Variants in GDI2 observed in about 807,000 individuals in gnomAD.
GDI2 encodes rab GDP dissociation inhibitor beta.
GDI2 carries 22 observed loss-of-function variants against 54.2 expected under a neutral mutation model. The observed-to-expected ratio is 0.41, with a 90% CI of 0.29 to 0.58. GDI2 has a LOEUF of 0.58. Ranked by LOEUF, GDI2 falls within the 20% of genes least tolerant of loss-of-function variation. The pLI is 0.35. For missense variants in GDI2, 422 were observed against 546.0 expected (o/e 0.77, Z 2.26); for synonymous variants, 177 against 182.1 (o/e 0.97, Z 0.23).
Position 5,813,200 on chromosome 10 carries a change from G to T in GDI2, c.45+14C>A. The T allele has an allele frequency of 1.9e-6, 3 of 1,554,086 alleles. No individual in the cohort carries two copies. Among genetic ancestry groups the T allele is most frequent in the Middle Eastern group, 1.7e-4 (1 of 5,856 alleles). On this transcript the variant is annotated intron_variant, in intron 1 of 10. Transcript: ENST00000380191. ...CCGGCTGCTCAGCCCCGGCCCCTCAGCCCTGGCGCCCACCGTCAGGCCGGT... is the reference window on the plus strand; with the variant it reads ...CCGGCTGCTCAGCCCCGGCCCCTCATCCCTGGCGCCCACCGTCAGGCCGGT...
chr10:5,808,851 C>G (rs192638762), intron 1 of GDI2, among the ~76,000 whole-genome samples: 2 of 152,058 alleles, frequency 1.3e-5, no homozygotes, highest in Admixed American at 1.3e-4. Flanking sequence ...AATTTTAAAT[C>G]AGTTCATTTC....
chr10:5,772,223 A>G (rs1211225375), intron 7 of GDI2, among the ~76,000 whole-genome samples: 1 of 152,194 alleles, frequency 6.6e-6, no homozygotes, highest in East Asian at 1.9e-4. Flanking sequence ...CAACCCCACA[A>G]AGGTGGCTGA....
At chr10:5,806,334 G>A (rs958201427) in intron 1 of GDI2, among the ~76,000 whole-genome samples, 3 of 100,674 alleles carry the variant, frequency 3.0e-5, no homozygotes, top group Admixed American at 1.1e-4. Context: ...CAGCCCTTTG[G>A]GAGGCCAAGG....
At chr10:5,796,955 A>G in intron 2 of GDI2, 93 bp from the exon 3 acceptor site, 1 of 628,806 alleles carries the variant, frequency 1.6e-6, no homozygotes, top group East Asian at 2.8e-5. Context: ...TTTTAGTATA[A>G]CTAAACACCA....
At chr10:5,770,422 G>A (rs565409989) in intron 7 of GDI2, among the ~76,000 whole-genome samples, 20 of 152,088 alleles carry the variant, frequency 1.3e-4, no homozygotes, top group East Asian at 1.9e-4. Context: ...CTAGCCGGGC[G>A]TGGTGGTATG....
intron 4 of GDI2, among the ~76,000 whole-genome samples, chr10:5,788,268 G>C (rs1406410200): frequency 6.6e-6 from 1 of 151,894 alleles, no homozygotes; most frequent in Non-Finnish European, 1.5e-5. Flanking sequence ...CTAAAGTGTG[G>C]AATCACAGGT....
At chr10:5,807,760 T>G (rs1325572149) in intron 1 of GDI2, among the ~76,000 whole-genome samples, 1 of 152,216 alleles carries the variant, frequency 6.6e-6, no homozygotes, top group Admixed American at 6.5e-5. Context: ...TGACGTTCTC[T>G]TCCTTCAGCA....
At chr10:5,806,706 G>A (rs181655310) in intron 1 of GDI2, among the ~76,000 whole-genome samples, 94 of 151,992 alleles carry the variant, frequency 6.2e-4, no homozygotes, top group Non-Finnish European at 9.4e-4. Flanking sequence ...ACTTTTGGGG[G>A]GTGGGGGAAG....
chr10:5,785,708 C>T, intron 5 of GDI2, 144 bp downstream of exon 5: 1 of 620,584 alleles, frequency 1.6e-6, no homozygotes, highest in Non-Finnish European at 2.8e-6. Flanking sequence ...CTTAAAAGGT[C>T]CCAACACTAA....
At position 5,772,584 on chromosome 10, in the gene GDI2, C is replaced by T. The variant is rs189390365; in HGVS notation, c.819+1258G>A. ...CCAGCCTGGCCAACATGGTGAAACCCCATCTCTACTAAAAATACATAAATT... is the reference window on the plus strand; with the variant it reads ...CCAGCCTGGCCAACATGGTGAAACCTCATCTCTACTAAAAATACATAAATT... On this transcript the variant is annotated intron_variant, in intron 7 of 10. Coordinates refer to ENST00000380191, the MANE Select transcript of GDI2 (RefSeq NM_001494.4). Among the ~76,000 whole-genome samples, 3 of 152,134 alleles carry T rather than the reference C, an allele frequency of 2.0e-5. No homozygotes were observed. The East Asian group carries it at 5.8e-4, about 29-fold the overall frequency.
chr10:5,773,955 A>T lies in GDI2; in HGVS notation c.720-14T>A. The T allele has an allele frequency of 3.6e-6, 4 of 1,103,642 alleles. No individual in the cohort carries two copies. The highest frequency in any genetic ancestry group is 3.1e-5 in the African/African-American group (2 of 63,800). The allele number at this position is 1,103,642 out of a possible 1,614,324, so 68.4% of individuals were successfully genotyped here. A position where few individuals can be genotyped will look rare whatever the true frequency, so the allele number is the denominator to read the frequency against. On this transcript the variant is annotated splice_polypyrimidine_tract_variant and intron_variant, in intron 6 of 10. Coordinates refer to ENST00000380191, the MANE Select transcript of GDI2 (RefSeq NM_001494.4). Reference sequence around the variant, plus strand: ...ATAGCACTTAGCCTGGAAAATTTTTAAAATCCCAATTAATAATATATAGTT... The same window carrying T: ...ATAGCACTTAGCCTGGAAAATTTTTTAAATCCCAATTAATAATATATAGTT...
intron 3 of GDI2, among the ~76,000 whole-genome samples, chr10:5,795,474 T>C (rs991572462): frequency 2.6e-5 from 4 of 152,208 alleles, no homozygotes; most frequent in African/African-American, 9.7e-5. Flanking sequence ...TGCAAACTTA[T>C]TGCACTGCAT....
intron 6 of GDI2, among the ~76,000 whole-genome samples, chr10:5,784,563 G>A (rs997371077): frequency 5.9e-5 from 9 of 152,336 alleles, no homozygotes; most frequent in Admixed American, 5.2e-4. Context: ...CTATGTCAGA[G>A]GGAAGATCTG....
intron 4 of GDI2, among the ~76,000 whole-genome samples, chr10:5,793,470 C>T (rs755510175): frequency 1.3e-5 from 2 of 152,168 alleles, no homozygotes; most frequent in African/African-American, 4.8e-5. Context: ...ATTATCAGTC[C>T]TAACCTAGCC....
At chr10:5,800,160 A>G (rs1464259237) in intron 2 of GDI2, among the ~76,000 whole-genome samples, 1 of 152,178 alleles carries the variant, frequency 6.6e-6, no homozygotes, top group Non-Finnish European at 1.5e-5. Flanking sequence ...GTCCACGTTC[A>G]AAAAAAGTAG....
chr10:5,766,636 T>C lies in GDI2; in HGVS notation c.994A>G (p.Ile332Val). Reference sequence around the variant, plus strand: ...GCAAAGGAGATCATGCAGACGTAGATATCTAGAAACAAATGATACCAGCTC... The same window carrying C: ...GCAAAGGAGATCATGCAGACGTAGACATCTAGAAACAAATGATACCAGCTC... ...PQNQVNRKSD[I>V]YVCMISFAHN... Residue 332 changes from isoleucine (I) to valine (V), a missense_variant and splice_region_variant, in exon 9 of 11, where the codon ATC (isoleucine) becomes GTC (valine). By Grantham distance (29) the Ile-to-Val change is conservative (BLOSUM62 3). Coordinates refer to ENST00000380191, the MANE Select transcript of GDI2 (RefSeq NM_001494.4). The surrounding 1 kb of genome is among the most constrained non-coding windows in gnomAD (Gnocchi z 5.8). The C allele has an allele frequency of 6.2e-7, 1 of 1,613,380 alleles. No homozygotes were observed. The highest frequency in any genetic ancestry group is 2.2e-5 in the East Asian group (1 of 44,884).
chr10:5,792,933 A>G (rs1345262375), intron 4 of GDI2, among the ~76,000 whole-genome samples: 1 of 151,160 alleles, frequency 6.6e-6, no homozygotes, highest in Non-Finnish European at 1.5e-5. Flanking sequence ...AAGAAAATGT[A>G]AAAGAAAGAA....
chr10:5,775,310 G>T (rs2131686702), intron 6 of GDI2, among the ~76,000 whole-genome samples: 1 of 152,252 alleles, frequency 6.6e-6, no homozygotes, highest in South Asian at 2.1e-4. Flanking sequence ...TAATAAAGTG[G>T]GGGGAAAGGC....
At chr10:5,781,565 C>A (rs1027687885) in intron 6 of GDI2, among the ~76,000 whole-genome samples, 21 of 140,482 alleles carry the variant, frequency 1.5e-4, no homozygotes, top group African/African-American at 5.6e-4. Flanking sequence ...GCAGAGCTTG[C>A]AGTGAGCCGA....
Sources: gnomAD v4.1 joint callset for allele counts (sites outside exome capture counted in the v4.1 genomes callset) on GRCh38, gnomAD v4.1.1 for gene constraint, Gnocchi (gnomAD v3.1) non-coding constraint, MANE v1.5 for transcripts, NCBI Gene and HGNC (gene_info 2026-07-23, HGNC 2026-07-21) for gene names.